DSCAM: variants seen among roughly 807,000 people sequenced by gnomAD.
The protein encoded by DSCAM is cell adhesion molecule DSCAM.
In DSCAM, 47 loss-of-function variants were observed where a neutral mutation model predicts 217.7. That is an observed-to-expected ratio of 0.22 (90% confidence interval 0.17 to 0.28). DSCAM has a LOEUF of 0.28. Among genes scored for constraint, DSCAM ranks in the 10% least tolerant of loss-of-function variants. The pLI is 1.00. For missense variants in DSCAM, 2,080 were observed against 2,618.3 expected (o/e 0.79, Z 4.49); for synonymous variants, 1,056 against 1,015.3 (o/e 1.04, Z -0.76).
At chr21:40,762,499 C>T (rs1454398414) in intron 1 of DSCAM, among the ~76,000 whole-genome samples, 1 of 152,160 alleles carries the variant, frequency 6.6e-6, no homozygotes, top group Non-Finnish European at 1.5e-5. Context: ...AAGCCCAGGA[C>T]CAGACGGATT....
At chr21:40,676,547 G>GT (rs895867506) in intron 3 of DSCAM, among the ~76,000 whole-genome samples, 20 of 152,182 alleles carry the variant, frequency 1.3e-4, no homozygotes, top group South Asian at 1.0e-3. Flanking sequence ...TTGTTTGCTT[G>GT]TTTTTTTGTT....
chr21:40,337,923 C>A (rs1170082891), intron 8 of DSCAM, among the ~76,000 whole-genome samples, 178 bp downstream of exon 8: 1 of 152,196 alleles, frequency 6.6e-6, no homozygotes, highest in African/African-American at 2.4e-5. Context: ...AACTAAAGTT[C>A]CTGTGAAGAT....
At chr21:40,597,500 C>CTTTTTTTTTTT (rs10530311) in intron 3 of DSCAM, among the ~76,000 whole-genome samples, 3 of 75,856 alleles carry the variant, frequency 4.0e-5, no homozygotes, top group African/African-American at 1.8e-4. Context: ...CAGTAATAGG[C>CTTTTTTTTTTT]TTTTTTTTTT....
chr21:40,584,996 G>A (rs181409558), intron 3 of DSCAM, among the ~76,000 whole-genome samples: 24 of 152,124 alleles, frequency 1.6e-4, no homozygotes, highest in African/African-American at 5.1e-4. Flanking sequence ...CCCAAGAGCT[G>A]GTTGTTAAAA....
intron 11 of DSCAM, among the ~76,000 whole-genome samples, chr21:40,195,734 G>C (rs548693863): frequency 2.0e-5 from 3 of 152,200 alleles, no homozygotes; most frequent in Admixed American, 6.5e-5. Flanking sequence ...ATGGGAAACT[G>C]AGGCAGGAAT....
At chr21:40,412,695 T>G (rs2075334065) in intron 3 of DSCAM, among the ~76,000 whole-genome samples, 1 of 152,168 alleles carries the variant, frequency 6.6e-6, no homozygotes, top group African/African-American at 2.4e-5. Flanking sequence ...TTGGGAAAAT[T>G]TGTAACATCA....
At chr21:40,272,744 T>C (rs2073636086) in intron 11 of DSCAM, among the ~76,000 whole-genome samples, 1 of 152,188 alleles carries the variant, frequency 6.6e-6, no homozygotes, top group African/African-American at 2.4e-5. Flanking sequence ...ATCATCCAAT[T>C]AGACAGCAAG....
chr21:40,159,438 C>T (rs1019837264), intron 16 of DSCAM, among the ~76,000 whole-genome samples: 2 of 152,078 alleles, frequency 1.3e-5, no homozygotes, highest in Non-Finnish European at 2.9e-5. Context: ...TCATAATGCT[C>T]AATGCCATAT....
At chr21:40,686,880 A>G (rs2090485075) in intron 3 of DSCAM, among the ~76,000 whole-genome samples, 1 of 152,184 alleles carries the variant, frequency 6.6e-6, no homozygotes, top group Non-Finnish European at 1.5e-5. Context: ...AACCTAATTT[A>G]GTGAGCGATA....
chr21:40,468,861 T>A (rs559743065), intron 3 of DSCAM, among the ~76,000 whole-genome samples: 1 of 152,234 alleles, frequency 6.6e-6, no homozygotes, highest in South Asian at 2.1e-4. Flanking sequence ...ATTACCTCCA[T>A]CCAGGAGGTC....
At chr21:40,218,335 GT>G (rs1269206293) in intron 11 of DSCAM, among the ~76,000 whole-genome samples, 2 of 152,008 alleles carry the variant, frequency 1.3e-5, no homozygotes, top group African/African-American at 4.8e-5. Flanking sequence ...GCTCTCTATT[GT>G]GTTCCATTGG....
chr21:40,393,153 A>G (rs2075149324), intron 3 of DSCAM, among the ~76,000 whole-genome samples: 1 of 152,214 alleles, frequency 6.6e-6, no homozygotes, highest in Admixed American at 6.5e-5. Flanking sequence ...AAATCTAAAG[A>G]GTGCAGACTT....
At chr21:40,314,074 C>T (rs2074170010) in intron 8 of DSCAM, among the ~76,000 whole-genome samples, 1 of 152,180 alleles carries the variant, frequency 6.6e-6, no homozygotes, top group Admixed American at 6.5e-5. Flanking sequence ...TGTGTGGCAG[C>T]AGTGAACGTG....
intron 1 of DSCAM, among the ~76,000 whole-genome samples, chr21:40,843,330 C>T (rs888380028): frequency 1.8e-4 from 28 of 151,426 alleles, no homozygotes; most frequent in Non-Finnish European, 2.9e-5. Flanking sequence ...AACTGAAAAT[C>T]CCACAGCTCA....
intron 3 of DSCAM, among the ~76,000 whole-genome samples, chr21:40,669,338 C>A (rs2090241843): frequency 6.6e-6 from 1 of 152,142 alleles, no homozygotes; most frequent in Admixed American, 6.5e-5. Context: ...GTGGACTGGT[C>A]TCCACACTTC....
chr21:40,205,969 G>T (rs949207250), intron 11 of DSCAM, among the ~76,000 whole-genome samples: 1 of 152,092 alleles, frequency 6.6e-6, no homozygotes. Flanking sequence ...TTTTATATTC[G>T]ACATGGAACT....
intron 32 of DSCAM, among the ~76,000 whole-genome samples, chr21:40,021,847 C>A (rs1204902779): frequency 6.6e-6 from 1 of 152,196 alleles, no homozygotes; most frequent in Non-Finnish European, 1.5e-5. Context: ...CAGATTCACA[C>A]TCAGAGCTTG....
chr21:40,642,184 C>T (rs1489416961), intron 3 of DSCAM, among the ~76,000 whole-genome samples: 3 of 152,076 alleles, frequency 2.0e-5, no homozygotes, highest in African/African-American at 4.8e-5. Context: ...CTGTTGGACT[C>T]CACAGCCCTG....
intron 1 of DSCAM, among the ~76,000 whole-genome samples, chr21:40,805,908 C>T (rs1253068790): frequency 8.6e-5 from 13 of 152,038 alleles, no homozygotes; most frequent in Admixed American, 7.9e-4. Flanking sequence ...CAGGGTTTCA[C>T]CATGTTAGCC....
Sources: allele counts gnomAD v4.1 joint callset (sites outside exome capture counted in the v4.1 genomes callset), GRCh38; gene constraint gnomAD v4.1.1; transcripts MANE v1.5; gene names NCBI Gene and HGNC (gene_info 2026-07-23, HGNC 2026-07-21).